LIMCH1: variants seen among roughly 807,000 people sequenced by gnomAD.
LIMCH1 encodes LIM and calponin homology domains-containing protein 1.
In LIMCH1, 113 loss-of-function variants were observed where a neutral mutation model predicts 176.5. The ratio of observed to expected loss-of-function variants is 0.64; its 90% CI spans 0.55 to 0.75. The LOEUF (loss-of-function observed/expected upper bound fraction) is 0.75, where lower values mean the gene tolerates loss of function less well. Ranked by LOEUF, LIMCH1 falls within the 30% of genes least tolerant of loss-of-function variation. LIMCH1 has a pLI of 0.00. For missense variants in LIMCH1, 1,674 were observed against 1,814.9 expected, an observed-to-expected ratio of 0.92 and a Z score of 1.41; for synonymous variants, 619 against 645.9, an observed-to-expected ratio of 0.96 and a Z score of 0.63.
chr4:41,513,293 C>T (rs966998273), intron 2 of LIMCH1, among the ~76,000 whole-genome samples: 10 of 152,268 alleles, frequency 6.6e-5, no homozygotes, highest in East Asian at 3.9e-4. Flanking sequence ...GATGAAAAGG[C>T]GTTGCTTGCT....
chr4:41,521,770 A>G (rs762765076), intron 2 of LIMCH1, among the ~76,000 whole-genome samples: 14 of 152,158 alleles, frequency 9.2e-5, no homozygotes, highest in Non-Finnish European at 1.8e-4. Context: ...TGTGAGAGAA[A>G]TCATAGTTTC....
intron 4 of LIMCH1, chr4:41,613,047 G>T (rs775687748): frequency 2.6e-6 from 4 of 1,551,832 alleles, no homozygotes; most frequent in African/African-American, 1.4e-5. Context: ...CTAAACCAGG[G>T]GCTCATTCCC....
chr4:41,496,229 T>A (rs930333196), intron 2 of LIMCH1, among the ~76,000 whole-genome samples: 2 of 152,236 alleles, frequency 1.3e-5, no homozygotes, highest in Admixed American at 6.5e-5. Context: ...CTTGTAGGCA[T>A]CCACTTCTCC....
chr4:41,454,159 A>G (rs977612575), intron 1 of LIMCH1, among the ~76,000 whole-genome samples: 1 of 152,036 alleles, frequency 6.6e-6, no homozygotes, highest in African/African-American at 2.4e-5. Flanking sequence ...TGCTCCCTTC[A>G]TGACCCTCAC....
At chr4:41,558,374 TA>T (rs1378666552) in intron 1 of LIMCH1, among the ~76,000 whole-genome samples, 4 of 152,204 alleles carry the variant, frequency 2.6e-5, no homozygotes, top group African/African-American at 7.2e-5. Flanking sequence ...AGCCACTGGC[TA>T]AATGAATGGT....
At chr4:41,401,277 A>G (rs1371580593) in intron 1 of LIMCH1, among the ~76,000 whole-genome samples, 1 of 152,194 alleles carries the variant, frequency 6.6e-6, no homozygotes, top group Non-Finnish European at 1.5e-5. Context: ...AGCACCATTT[A>G]TTAAATAGGG....
chr4:41,613,395 C>G, intron 4 of LIMCH1, 71 bp from the exon 5 acceptor site: 1 of 1,346,872 alleles, frequency 7.4e-7, no homozygotes, highest in Non-Finnish European at 1.0e-6. Context: ...TTGGAGACCA[C>G]TGGAGACCCA....
Position 41,399,345 on chromosome 4 carries a change from G to C in LIMCH1, c.96+38409G>C, listed in dbSNP as rs140682898. 9.5e-4 allele frequency among the ~76,000 whole-genome samples: 144 copies of C among 152,264 alleles called. 1 individual carries two copies. The East Asian group carries it at 0.026, about 27-fold the overall frequency. The stretch of plus-strand genomic sequence containing the variant: ...GGATGAAGGGGGCAGAGAAAAGGGA[G>C]GGAACTCAGAAGGTGAAGAAATATT... On this transcript the variant is annotated intron_variant, in intron 1 of 26. Transcript: ENST00000313860.
chr4:41,561,025 A>G (rs1345289028), intron 1 of LIMCH1, among the ~76,000 whole-genome samples: 2 of 152,144 alleles, frequency 1.3e-5, no homozygotes, highest in African/African-American at 2.4e-5. Flanking sequence ...TCAAAAAAAC[A>G]AACAAACCAA....
At chr4:41,637,161 T>C (rs2093627722) in intron 13 of LIMCH1, among the ~76,000 whole-genome samples, 1 of 144,984 alleles carries the variant, frequency 6.9e-6, no homozygotes, top group Non-Finnish European at 1.5e-5. Context: ...TCAGAATTAA[T>C]ATTGCCCTTG....
In LIMCH1 at chr4:41,662,909, T is replaced by G. The variant is rs747417108; in HGVS notation, c.3216T>G (p.Asp1072Glu). 56 of 1,613,736 alleles carry G rather than the reference T, an allele frequency of 3.5e-5. No homozygotes were observed. The highest frequency in any genetic ancestry group is 4.7e-5 in the Non-Finnish European group (55 of 1,179,970). The change falls in exon 20 of 32, where the codon GAT becomes GAG. Residue 1072 changes from aspartate to glutamate, a missense_variant. Transcript: ENST00000503057. ...CCTCCAGCCCCCAGCTGAAGAATGA[T>G]GTGTCGGAAGAAAAAGACCAGAAGA... Reference protein sequence around the residue: ...EFPSSPQLKNDVSEEKDQKKP... With the variant: ...EFPSSPQLKNEVSEEKDQKKP...
chr4:41,564,977 C>T (rs2082528540), intron 1 of LIMCH1, among the ~76,000 whole-genome samples: 1 of 152,182 alleles, frequency 6.6e-6, no homozygotes, highest in Non-Finnish European at 1.5e-5. Context: ...CCAGACAGCC[C>T]TACAGAACTG....
At chr4:41,470,518 T>C (rs533797950) in intron 1 of LIMCH1, among the ~76,000 whole-genome samples, 1 of 152,320 alleles carries the variant, frequency 6.6e-6, no homozygotes, top group African/African-American at 2.4e-5. Flanking sequence ...ACTTCTTTTC[T>C]ACTCATTCAG....
chr4:41,565,386 C>CACACACACAG (rs993566327), intron 1 of LIMCH1, among the ~76,000 whole-genome samples: 1 of 139,634 alleles, frequency 7.2e-6, no homozygotes, highest in Non-Finnish European at 1.6e-5. Flanking sequence ...CACACACATA[C>CACACACACAG]ACACACACAC....
At chr4:41,600,709 A>C (rs965321443) in intron 2 of LIMCH1, among the ~76,000 whole-genome samples, 2 of 152,154 alleles carry the variant, frequency 1.3e-5, no homozygotes, top group African/African-American at 4.8e-5. Context: ...TTCATCTAAA[A>C]ATTGAAACTG....
intron 1 of LIMCH1, among the ~76,000 whole-genome samples, chr4:41,387,226 A>G (rs767392192): frequency 6.6e-6 from 1 of 152,252 alleles, no homozygotes; most frequent in Non-Finnish European, 1.5e-5. Flanking sequence ...ATGAGAACAT[A>G]CATTGTTCAT....
chr4:41,418,141 G>A (rs964166982), intron 1 of LIMCH1, among the ~76,000 whole-genome samples: 1 of 152,146 alleles, frequency 6.6e-6, no homozygotes, highest in African/African-American at 2.4e-5. Context: ...TATCATATTT[G>A]TGAGGATAGG....
At chr4:41,630,692 T>G (rs1211040524) in intron 9 of LIMCH1, among the ~76,000 whole-genome samples, 1 of 152,200 alleles carries the variant, frequency 6.6e-6, no homozygotes, top group African/African-American at 2.4e-5. Context: ...TATACAGTCT[T>G]CCCTCAGTAT....
At chr4:41,470,756 C>T (rs1267061827) in intron 1 of LIMCH1, among the ~76,000 whole-genome samples, 1 of 151,946 alleles carries the variant, frequency 6.6e-6, no homozygotes, top group African/African-American at 2.4e-5. Context: ...GTTGGCTGGC[C>T]CTAGGATTCA....
Sources: allele counts gnomAD v4.1 joint callset (sites outside exome capture counted in the v4.1 genomes callset), GRCh38; gene constraint gnomAD v4.1.1; transcripts MANE v1.5; gene names NCBI Gene and HGNC (gene_info 2026-07-23, HGNC 2026-07-21).